The following ERBB4 variants were observed in gnomAD, a reference collection of about 807,000 sequenced individuals.
ERBB4 encodes the protein erb-b2 receptor tyrosine kinase 4.
ERBB4 carries 42 observed loss-of-function variants against 158.0 expected under a neutral mutation model. That is an observed-to-expected ratio of 0.27 (90% confidence interval 0.21 to 0.34). ERBB4 has a LOEUF of 0.34. ERBB4 is among the 10% of genes least tolerant of loss of function. ERBB4 has a pLI of 1.00. For missense variants in ERBB4, 1,333 were observed against 1,624.1 expected (o/e 0.82, Z 3.08); for synonymous variants, 583 against 558.7 (o/e 1.04, Z -0.61).
At chr2:212,059,793 G>A (rs528199792) in intron 2 of ERBB4, among the ~76,000 whole-genome samples, 50 of 152,108 alleles carry the variant, frequency 3.3e-4, no homozygotes, top group African/African-American at 9.6e-4. Flanking sequence ...AAATTAATTC[G>A]AGATGGATTA....
intron 1 of ERBB4, among the ~76,000 whole-genome samples, chr2:212,500,108 C>G (rs2106236253): frequency 6.6e-6 from 1 of 152,082 alleles, no homozygotes; most frequent in Non-Finnish European, 1.5e-5. Context: ...TAAATGGTGA[C>G]TTTAGCATTT....
At chr2:211,936,369 ATGAAAC>A (rs1238140969) in intron 3 of ERBB4, among the ~76,000 whole-genome samples, 1 of 152,112 alleles carries the variant, frequency 6.6e-6, no homozygotes. Flanking sequence ...CACAGAGAAA[ATGAAAC>A]TGAGTAAATT....
intron 3 of ERBB4, among the ~76,000 whole-genome samples, chr2:211,836,532 T>C (rs115787865): frequency 3.3e-5 from 5 of 152,186 alleles, no homozygotes; most frequent in Non-Finnish European, 4.4e-5. Flanking sequence ...CTCTGCTTAG[T>C]ACATACCAAA....
Position 211,376,037 on chromosome 2 carries a change from A to G in ERBB4, c.*7578T>C. On this transcript the variant is annotated 3_prime_UTR_variant, in exon 28 of 28. Transcript: ENST00000342788. ...GGTAAAAGGTTGGAGGAGAAGAAAG[A>G]ATAAGAGAAAGTATACTAAAAATAT... is the stretch of plus-strand genomic sequence containing the variant. 1 of 233,076 alleles carries G rather than the reference A, an allele frequency of 4.3e-6. No homozygotes were observed. Among genetic ancestry groups the G allele is most frequent in the Admixed American group, 5.6e-5 (1 of 17,756 alleles). 14.4% of individuals were successfully genotyped at this position (233,076 alleles called of 1,614,324 possible).
intron 3 of ERBB4, among the ~76,000 whole-genome samples, chr2:211,916,279 A>C (rs1035392053): frequency 1.1e-4 from 16 of 152,006 alleles, no homozygotes; most frequent in Non-Finnish European, 2.1e-4. Context: ...TCCCGGGTTC[A>C]AGTGATTCTC....
At chr2:211,960,705 T>C (rs1234619464) in intron 2 of ERBB4, 1 of 152,086 alleles carries the variant, frequency 6.6e-6, no homozygotes, top group Non-Finnish European at 1.5e-5. Flanking sequence ...TGCTATGTTT[T>C]CACACAGCAG....
chr2:211,719,729 C>T (rs974675736), intron 7 of ERBB4, among the ~76,000 whole-genome samples: 2 of 152,070 alleles, frequency 1.3e-5, no homozygotes, highest in Non-Finnish European at 1.5e-5. Flanking sequence ...GTGGCACGTG[C>T]CTGTAGTCCC....
intron 25 of ERBB4, among the ~76,000 whole-genome samples, chr2:211,410,045 A>G (rs1372733319): frequency 6.6e-6 from 1 of 152,206 alleles, no homozygotes; most frequent in East Asian, 1.9e-4. Flanking sequence ...TTGTATTTCT[A>G]TTCAGAGAAA....
chr2:212,439,140 TTAGA>T (rs199880740), intron 1 of ERBB4, among the ~76,000 whole-genome samples: 1,719 of 152,240 alleles, frequency 0.011, 13 homozygotes, highest in Middle Eastern at 0.034. Context: ...AAGATTTGCC[TTAGA>T]TAGTGTGTAC....
chr2:211,795,961 T>C (rs1020521597), intron 3 of ERBB4, among the ~76,000 whole-genome samples: 3 of 151,962 alleles, frequency 2.0e-5, no homozygotes, highest in Non-Finnish European at 2.9e-5. Context: ...ATCTTCTGGA[T>C]ATTTATAAAA....
chr2:212,251,697 T>TA (rs947149319), intron 1 of ERBB4, among the ~76,000 whole-genome samples: 38 of 151,852 alleles, frequency 2.5e-4, no homozygotes, highest in Middle Eastern at 3.4e-3. Context: ...AGGTATTTTT[T>TA]AAAAAAAAGG....
intron 1 of ERBB4, among the ~76,000 whole-genome samples, chr2:212,451,775 C>A (rs186535686): frequency 2.0e-5 from 3 of 152,244 alleles, no homozygotes; most frequent in Admixed American, 6.5e-5. Context: ...AGCCGAACAT[C>A]AACCATGTAG....
chr2:212,372,321 G>A (rs921347355), intron 1 of ERBB4, among the ~76,000 whole-genome samples: 3 of 151,996 alleles, frequency 2.0e-5, no homozygotes, highest in Admixed American at 6.6e-5. Context: ...TCATCACAAC[G>A]CAAAATATGG....
intron 2 of ERBB4, among the ~76,000 whole-genome samples, chr2:211,949,515 A>T (rs528345493): frequency 6.6e-6 from 1 of 152,328 alleles, no homozygotes; most frequent in South Asian, 2.1e-4. Flanking sequence ...GTTAAATAAA[A>T]TGTATTATTA....
intron 3 of ERBB4, among the ~76,000 whole-genome samples, chr2:211,945,009 T>C (rs2080640551): frequency 6.6e-6 from 1 of 152,114 alleles, no homozygotes; most frequent in Non-Finnish European, 1.5e-5. Flanking sequence ...TAATAGAATA[T>C]AAAAATGTTG....
chr2:212,370,429 C>A (rs1174597013), intron 1 of ERBB4, among the ~76,000 whole-genome samples: 4 of 152,022 alleles, frequency 2.6e-5, no homozygotes, highest in African/African-American at 9.7e-5. Flanking sequence ...TGCAAGGCAC[C>A]AGCCAAAAAT....
chr2:212,360,176 T>C (rs2089631222), intron 1 of ERBB4, among the ~76,000 whole-genome samples: 1 of 151,136 alleles, frequency 6.6e-6, no homozygotes, highest in Non-Finnish European at 1.5e-5. Flanking sequence ...AATGACCTAC[T>C]ATTCTTTACA....
At chr2:211,503,073 G>T (rs1296630480) in intron 20 of ERBB4, among the ~76,000 whole-genome samples, 1 of 152,122 alleles carries the variant, frequency 6.6e-6, no homozygotes, top group East Asian at 1.9e-4. Flanking sequence ...CTGAGGAATG[G>T]ATGAATGAAG....
At chr2:212,441,235 T>A (rs1255000933) in intron 1 of ERBB4, among the ~76,000 whole-genome samples, 4 of 152,200 alleles carry the variant, frequency 2.6e-5, no homozygotes, top group Non-Finnish European at 5.9e-5. Flanking sequence ...TCCCCAGTAG[T>A]GGCAACATCC....
Sources: gnomAD v4.1 joint callset for allele counts (sites outside exome capture counted in the v4.1 genomes callset) on GRCh38, gnomAD v4.1.1 for gene constraint, MANE v1.5 for transcripts, NCBI Gene and HGNC (gene_info 2026-07-23, HGNC 2026-07-21) for gene names.